Variants in PRKDC observed in about 807,000 individuals in gnomAD.
PRKDC encodes the protein protein kinase, DNA-activated, catalytic subunit, also known as DNA-dependent protein kinase catalytic subunit.
PRKDC carries 82 observed loss-of-function variants against 486.9 expected under a neutral mutation model. The ratio of observed to expected loss-of-function variants is 0.17; its 90% CI spans 0.14 to 0.20. The LOEUF (loss-of-function observed/expected upper bound fraction) is 0.20. PRKDC is among the 10% of genes least tolerant of loss of function. PRKDC has a pLI of 1.00. For synonymous variants in PRKDC, 1,895 were observed against 1,837.0 expected (o/e 1.03, Z -0.81); for missense variants, 4,504 against 5,038.2 (o/e 0.89, Z 3.21).
chr8:47,898,460 G>A lies in PRKDC; in HGVS notation c.3464+10C>T, dbSNP rs1307557314. On this transcript the variant is annotated intron_variant, in intron 29 of 85. Transcript: ENST00000314191. ...TGGGAAAAGACGGAAAAGGAAGCAA[G>A]ATCACCTACCGCGGCAAACGTCGTT... 6.5e-7 allele frequency: 1 copy of A among 1,542,102 alleles called. No homozygotes were observed. The highest frequency in any genetic ancestry group is 2.0e-5 in the Admixed American group (1 of 51,218).
rs1402786032 is a variant in PRKDC at position 47,872,522 on chromosome 8, T to A, written c.5363+5202A>T. ...AAAGTAAAAAAAAAAAAAAAAAAAA[T>A]GATCTGTTGCCTGCAAGAAACACAC... On this transcript the variant is annotated intron_variant, in intron 40 of 85. Coordinates refer to ENST00000314191, the MANE Select transcript of PRKDC (RefSeq NM_006904.7). Among the ~76,000 whole-genome samples, 444 of 125,472 alleles carry A rather than the reference T, an allele frequency of 3.5e-3. 2 individuals carry two copies. Among genetic ancestry groups the A allele is most frequent in the African/African-American group, 0.011 (348 of 30,944 alleles). 82.3% of individuals were successfully genotyped at this position (125,472 alleles called of 152,430 possible).
chr8:47,789,652 T>C (rs2086853076), intron 74 of PRKDC, among the ~76,000 whole-genome samples: 1 of 151,988 alleles, frequency 6.6e-6, no homozygotes, highest in African/African-American at 2.4e-5. Context: ...AATGCAAAAA[T>C]CCTCAACAAA....
chr8:47,820,737 G>A lies in PRKDC; in HGVS notation c.9318C>T (p.Gly3106=), dbSNP rs1488010922. 1 of 1,557,100 alleles carries A rather than the reference G, an allele frequency of 6.4e-7. No individual in the cohort carries two copies. The highest frequency in any genetic ancestry group is 1.4e-5 in the African/African-American group (1 of 73,572). The change falls in exon 66 of 86, where the codon GGC becomes GGT. Residue 3106 remains glycine, a synonymous_variant. Coordinates refer to ENST00000314191, the MANE Select transcript of PRKDC (RefSeq NM_006904.7). ...GTATTACCTGCATAAAACTCTGAAT[G>A]CCATTTTGAATGTAATATTTGGCTC... ...VDRAKYYIQN[G]IQSFMQNYSS... is the part of the protein sequence containing the mutation.
At chr8:47,923,837 T>C (rs574599551) in intron 21 of PRKDC, among the ~76,000 whole-genome samples, 23 of 152,326 alleles carry the variant, frequency 1.5e-4, no homozygotes, top group African/African-American at 5.5e-4. Flanking sequence ...TGAACAAGCC[T>C]GGACTAGCCA....
chr8:47,880,154 C>T (rs1352019916), intron 38 of PRKDC, among the ~76,000 whole-genome samples: 2 of 152,172 alleles, frequency 1.3e-5, no homozygotes, highest in African/African-American at 4.8e-5. Context: ...CAGCCTATAC[C>T]TCAGCTTTGA....
intron 68 of PRKDC, among the ~76,000 whole-genome samples, chr8:47,815,113 C>T (rs1478408613): frequency 1.3e-5 from 2 of 152,030 alleles, no homozygotes; most frequent in Non-Finnish European, 2.9e-5. Context: ...CTGCAATGAG[C>T]CATTATCGGG....
At chr8:47,885,780 T>C (rs1437705177) in intron 36 of PRKDC, among the ~76,000 whole-genome samples, 164 bp downstream of exon 36, 1 of 152,038 alleles carries the variant, frequency 6.6e-6, no homozygotes, top group East Asian at 1.9e-4. Context: ...TAATCCCAGC[T>C]ACTCGGGAGG....
rs762562451 is a variant in PRKDC, at chr8:47,782,270, A to G, written c.11397-16T>C. The G allele has an allele frequency of 9.3e-6, 15 of 1,612,808 alleles. No homozygotes were observed. In the South Asian group the frequency reaches 1.6e-4, roughly 18 times the overall value. On this transcript the variant is annotated splice_polypyrimidine_tract_variant and intron_variant, in intron 79 of 85. Transcript: ENST00000314191. This position sits in a 1 kb window ranked among gnomAD's most constrained non-coding sequence, Gnocchi z 4.9. ...TAATCCTAACCTGAAAGGGAGAATA[A>G]AAGGTTAACGAGTAAACCCAAACTG...
intron 44 of PRKDC, 93 bp from the exon 45 acceptor site, chr8:47,861,064 T>A: frequency 1.3e-5 from 11 of 852,584 alleles, no homozygotes; most frequent in Non-Finnish European, 1.9e-5. Flanking sequence ...AAAAAAATTA[T>A]AAATTTTTAA....
intron 40 of PRKDC, among the ~76,000 whole-genome samples, chr8:47,865,158 C>T (rs2088778854): frequency 6.6e-6 from 1 of 152,146 alleles, no homozygotes; most frequent in African/African-American, 2.4e-5. Flanking sequence ...GAGGCCGAGG[C>T]TGGCAGATCA....
chr8:47,881,318 T>C, intron 38 of PRKDC, 98 bp downstream of exon 38: 4 of 765,916 alleles, frequency 5.2e-6, no homozygotes, highest in African/African-American at 1.8e-5. Flanking sequence ...TTGAACACGT[T>C]TGAAATTTTC....
intron 68 of PRKDC, among the ~76,000 whole-genome samples, chr8:47,811,708 G>A (rs1389482873): frequency 1.3e-5 from 2 of 152,170 alleles, no homozygotes. Flanking sequence ...AGGGCATGGT[G>A]GTTCACGCCT....
intron 74 of PRKDC, among the ~76,000 whole-genome samples, chr8:47,791,461 C>G (rs554867556): frequency 2.6e-5 from 4 of 152,104 alleles, no homozygotes; most frequent in African/African-American, 9.6e-5. Context: ...GGCAACAGAG[C>G]AATACACCGC....
At chr8:47,875,929 A>G (rs529886492) in intron 40 of PRKDC, among the ~76,000 whole-genome samples, 4 of 152,354 alleles carry the variant, frequency 2.6e-5, no homozygotes, top group African/African-American at 9.6e-5. Flanking sequence ...ATTTTTAAAA[A>G]TATCAGTAGA....
At chr8:47,937,253 CA>C (rs2090368426) in intron 11 of PRKDC, among the ~76,000 whole-genome samples, 1 of 152,016 alleles carries the variant, frequency 6.6e-6, no homozygotes, top group Admixed American at 6.6e-5. Context: ...AGTGAGGTTC[CA>C]CCTCAAAAAA....
chr8:47,936,292 C>A (rs1477338066), intron 12 of PRKDC, 61 bp downstream of exon 12: 1 of 1,519,994 alleles, frequency 6.6e-7, no homozygotes, highest in Non-Finnish European at 8.9e-7. Context: ...ATGACTCCAT[C>A]AAATTATTTG....
At chr8:47,835,703 T>C (rs191895162) in intron 58 of PRKDC, among the ~76,000 whole-genome samples, 240 of 147,692 alleles carry the variant, frequency 1.6e-3, no homozygotes, top group South Asian at 2.6e-3. Context: ...CACAGTTCAA[T>C]GGCATTAAGG....
intron 35 of PRKDC, among the ~76,000 whole-genome samples, chr8:47,886,519 G>GT (rs2154501695): frequency 6.6e-6 from 1 of 151,946 alleles, no homozygotes; most frequent in South Asian, 2.1e-4. Flanking sequence ...GCACCCCCGA[G>GT]TATCTGGAAT....
At chr8:47,808,115 A>C (rs1446043222) in intron 68 of PRKDC, among the ~76,000 whole-genome samples, 1 of 152,228 alleles carries the variant, frequency 6.6e-6, no homozygotes, top group African/African-American at 2.4e-5. Context: ...AATACATAAC[A>C]GTAAACAGTT....
Sources: allele counts gnomAD v4.1 joint callset (sites outside exome capture counted in the v4.1 genomes callset), GRCh38; gene constraint gnomAD v4.1.1; non-coding constraint Gnocchi (gnomAD v3.1); transcripts MANE v1.5; gene names NCBI Gene and HGNC (gene_info 2026-07-23, HGNC 2026-07-21).